Variants in EYA1 observed in about 807,000 individuals in gnomAD.
The protein encoded by EYA1 is EYA transcriptional coactivator and phosphatase 1.
A neutral mutation model predicts 82.0 loss-of-function variants in EYA1; 16 were observed. The ratio of observed to expected loss-of-function variants is 0.20; its 90% CI spans 0.13 to 0.30. The LOEUF (loss-of-function observed/expected upper bound fraction) is 0.30. EYA1 is among the 10% of genes least tolerant of loss of function. The pLI is 1.00. For missense variants in EYA1, 633 were observed against 730.7 expected (o/e 0.87, Z 1.54); for synonymous variants, 261 against 264.4 (o/e 0.99, Z 0.12).
chr8:71,273,953 A>G (rs1478793609), intron 9 of EYA1, among the ~76,000 whole-genome samples: 1 of 152,220 alleles, frequency 6.6e-6, no homozygotes, highest in Non-Finnish European at 1.5e-5. Context: ...TTGATGGCTC[A>G]TTCCTTTATT....
chr8:71,385,899 A>T (rs565718706), intron 2 of EYA1, among the ~76,000 whole-genome samples: 4 of 152,192 alleles, frequency 2.6e-5, no homozygotes, highest in Non-Finnish European at 5.9e-5. Flanking sequence ...GTTCAAAGCC[A>T]TGAGTGGTGT....
intron 2 of EYA1, among the ~76,000 whole-genome samples, chr8:71,508,730 C>T (rs908480281): frequency 1.1e-4 from 17 of 152,130 alleles, no homozygotes. Flanking sequence ...ACCTTGTTCT[C>T]AGACCTCCTA....
At chr8:71,435,726 A>AT (rs1038289486) in intron 2 of EYA1, among the ~76,000 whole-genome samples, 1 of 152,140 alleles carries the variant, frequency 6.6e-6, no homozygotes, top group Non-Finnish European at 1.5e-5. Flanking sequence ...GATCTACACA[A>AT]TTTCACGGAG....
chr8:71,219,430 GA>G (rs540264957), intron 12 of EYA1, among the ~76,000 whole-genome samples: 6 of 150,404 alleles, frequency 4.0e-5, no homozygotes, highest in African/African-American at 4.9e-5. Context: ...CTCCAGGAAT[GA>G]AAAAAAAATC....
At chr8:71,374,521 G>A (rs997034184) in intron 2 of EYA1, among the ~76,000 whole-genome samples, 6 of 152,180 alleles carry the variant, frequency 3.9e-5, no homozygotes, top group Admixed American at 2.6e-4. Context: ...GGAAACCTTT[G>A]CAGGCCATTG....
At chr8:71,216,058 G>T (rs1016076943) in intron 14 of EYA1, among the ~76,000 whole-genome samples, 2 of 152,246 alleles carry the variant, frequency 1.3e-5, no homozygotes, top group South Asian at 4.1e-4. Flanking sequence ...ATTAGGAAAT[G>T]ATAGATTCCC....
intron 6 of EYA1, among the ~76,000 whole-genome samples, chr8:71,320,008 C>T (rs1033941335): frequency 1.3e-5 from 2 of 152,190 alleles, no homozygotes; most frequent in African/African-American, 2.4e-5. Context: ...CACTGAGCCT[C>T]GCTCTCTCCC....
intron 2 of EYA1, among the ~76,000 whole-genome samples, chr8:71,398,682 T>G (rs1469709946): frequency 2.0e-5 from 3 of 152,200 alleles, no homozygotes; most frequent in African/African-American, 7.2e-5. Context: ...GGCATCCAGC[T>G]GTATGAGCTG....
intron 2 of EYA1, among the ~76,000 whole-genome samples, chr8:71,446,497 T>C (rs1027898447): frequency 9.9e-5 from 15 of 152,138 alleles, no homozygotes; most frequent in African/African-American, 3.6e-4. Flanking sequence ...CAGTCCTGGG[T>C]AGTATCTTCA....
chr8:71,518,624 TAA>T (rs1813163092), intron 2 of EYA1, among the ~76,000 whole-genome samples: 2 of 152,112 alleles, frequency 1.3e-5, no homozygotes. Flanking sequence ...CTTAGAGAAA[TAA>T]AGTTTTACAA....
At chr8:71,230,513 T>G (rs1811068627) in intron 12 of EYA1, among the ~76,000 whole-genome samples, 1 of 152,164 alleles carries the variant, frequency 6.6e-6, no homozygotes, top group African/African-American at 2.4e-5. Flanking sequence ...GATTCTGTTG[T>G]CTCCCTTAAC....
At chr8:71,222,627 T>G (rs1009950882) in intron 12 of EYA1, among the ~76,000 whole-genome samples, 5 of 152,250 alleles carry the variant, frequency 3.3e-5, no homozygotes, top group Non-Finnish European at 5.9e-5. Context: ...GTGCTCAGTT[T>G]CTCTCACTTA....
intron 2 of EYA1, among the ~76,000 whole-genome samples, chr8:71,427,962 G>A (rs574072187): frequency 1.4e-5 from 2 of 141,916 alleles, no homozygotes; most frequent in Admixed American, 1.4e-4. Context: ...CTGGGGGACA[G>A]AGAGAGACCT....
At chr8:71,414,523 A>G (rs1830760929) in intron 2 of EYA1, among the ~76,000 whole-genome samples, 2 of 152,318 alleles carry the variant, frequency 1.3e-5, no homozygotes, top group South Asian at 4.1e-4. Flanking sequence ...CCTTCTCTCC[A>G]GCCTATAGAT....
intron 2 of EYA1, among the ~76,000 whole-genome samples, chr8:71,425,984 T>A (rs537544468): frequency 6.6e-6 from 1 of 152,312 alleles, no homozygotes; most frequent in African/African-American, 2.4e-5. Flanking sequence ...ATAGACCTCA[T>A]GAGGCTGATA....
chr8:71,463,204 T>C (rs1168047906), intron 2 of EYA1, among the ~76,000 whole-genome samples: 2 of 152,218 alleles, frequency 1.3e-5, no homozygotes, highest in Non-Finnish European at 2.9e-5. Flanking sequence ...GGCTAGCTAC[T>C]GTATTAGATG....
intron 2 of EYA1, among the ~76,000 whole-genome samples, chr8:71,392,384 G>T (rs1829328346): frequency 6.6e-6 from 1 of 152,052 alleles, no homozygotes; most frequent in Non-Finnish European, 1.5e-5. Context: ...CCACCTTCAG[G>T]TTAAAGCCAT....
At chr8:71,430,287 C>T (rs1007586615) in intron 2 of EYA1, among the ~76,000 whole-genome samples, 5 of 152,138 alleles carry the variant, frequency 3.3e-5, no homozygotes, top group Non-Finnish European at 7.4e-5. Flanking sequence ...AAAAAATAAC[C>T]ATTTTTATCT....
chr8:71,455,531 C>A (rs1349962548), intron 2 of EYA1, among the ~76,000 whole-genome samples: 2 of 152,186 alleles, frequency 1.3e-5, no homozygotes, highest in Non-Finnish European at 2.9e-5. Flanking sequence ...GGAACCGAAT[C>A]CAGCAGCACA....
Sources: allele counts gnomAD v4.1 joint callset (sites outside exome capture counted in the v4.1 genomes callset), GRCh38; gene constraint gnomAD v4.1.1; transcripts MANE v1.5; gene names NCBI Gene and HGNC (gene_info 2026-07-23, HGNC 2026-07-21).